CNOT2: variants seen among roughly 807,000 people sequenced by gnomAD.
CNOT2 encodes CC chemokine receptor 4-negative regulator of transcription 2.
CNOT2 carries 7 observed loss-of-function variants against 72.1 expected under a neutral mutation model. That is an observed-to-expected ratio of 0.10 (90% CI 0.06 to 0.18). The LOEUF is 0.18. Among genes scored for constraint, CNOT2 ranks in the 10% least tolerant of loss-of-function variants. The probability of loss-of-function intolerance (pLI) is 1.00; values close to 1 mark genes in which losing one functional copy is unlikely to be tolerated. For synonymous variants in CNOT2, 196 were observed against 225.6 expected (o/e 0.87, Z 1.17); for missense variants, 345 against 660.3 (o/e 0.52, Z 5.23).
chr12:70,255,414 G>A (rs1334519428), intron 1 of CNOT2, among the ~76,000 whole-genome samples: 4 of 152,070 alleles, frequency 2.6e-5, no homozygotes, highest in Admixed American at 6.6e-5. Flanking sequence ...AATAACTTAC[G>A]CTGTTCTTTG....
intron 2 of CNOT2, among the ~76,000 whole-genome samples, chr12:70,307,367 A>T (rs910389213): frequency 2.6e-5 from 4 of 151,900 alleles, no homozygotes; most frequent in Non-Finnish European, 5.9e-5. Context: ...TTCTATTTGA[A>T]TTTTTTTGTT....
At chr12:70,260,772 T>C (rs1958704110) in intron 1 of CNOT2, among the ~76,000 whole-genome samples, 1 of 152,118 alleles carries the variant, frequency 6.6e-6, no homozygotes, top group Non-Finnish European at 1.5e-5. Context: ...GTGGCTTCTT[T>C]AGGATTTTCT....
At chr12:70,255,306 CTG>C (rs1022508150) in intron 1 of CNOT2, among the ~76,000 whole-genome samples, 100 of 152,092 alleles carry the variant, frequency 6.6e-4, no homozygotes, top group African/African-American at 2.3e-3. Flanking sequence ...AACATCGTGT[CTG>C]TTTTTTTGAA....
chr12:70,306,285 A>G (rs1373249408), intron 2 of CNOT2, among the ~76,000 whole-genome samples: 1 of 152,062 alleles, frequency 6.6e-6, no homozygotes, highest in Non-Finnish European at 1.5e-5. Context: ...CCTCCTGAGT[A>G]GCTGGGATTA....
rs563879041 is a variant in CNOT2 at position 70,290,961 on chromosome 12, A to G, written c.48+12687A>G. Among the ~76,000 whole-genome samples, 5 of 152,350 alleles carry G rather than the reference A, an allele frequency of 3.3e-5. No individual in the cohort carries two copies. In the South Asian group the frequency reaches 1.0e-3, roughly 32 times the overall value. ...TATAAAATACTATACAGTGTGCAAT[A>G]TACACAAATTTCAGACCATTTCTCA... On this transcript the variant is annotated intron_variant, in intron 2 of 15. Transcript: ENST00000229195.
intron 2 of CNOT2, among the ~76,000 whole-genome samples, chr12:70,282,999 A>C (rs1870140154): frequency 6.6e-6 from 1 of 152,214 alleles, no homozygotes; most frequent in Non-Finnish European, 1.5e-5. Flanking sequence ...CTTAATATAA[A>C]CAGAAACAAA....
chr12:70,251,974 G>A (rs1958160982), intron 1 of CNOT2, among the ~76,000 whole-genome samples: 1 of 152,046 alleles, frequency 6.6e-6, no homozygotes, highest in Non-Finnish European at 1.5e-5. Flanking sequence ...CCCTACATAG[G>A]TGCTGATATT....
At chr12:70,290,509 C>T (rs757120013) in intron 2 of CNOT2, among the ~76,000 whole-genome samples, 1 of 152,050 alleles carries the variant, frequency 6.6e-6, no homozygotes, top group Admixed American at 6.5e-5. Context: ...TTGTTGAGCC[C>T]TCAATGATTC....
intron 1 of CNOT2, among the ~76,000 whole-genome samples, chr12:70,253,796 C>G (rs1284673779): frequency 6.6e-6 from 1 of 152,024 alleles, no homozygotes; most frequent in African/African-American, 2.4e-5. Context: ...CCCCTTAATT[C>G]AAGGGGAAAT....
intron 3 of CNOT2, among the ~76,000 whole-genome samples, chr12:70,316,505 T>C (rs1284701520): frequency 6.6e-6 from 1 of 152,158 alleles, no homozygotes; most frequent in Non-Finnish European, 1.5e-5. Flanking sequence ...TATAAGAAAT[T>C]AGATATTTGC....
intron 1 of CNOT2, among the ~76,000 whole-genome samples, chr12:70,274,736 T>A (rs1868473159): frequency 1.3e-5 from 2 of 152,076 alleles, no homozygotes; most frequent in Admixed American, 6.6e-5. Context: ...GGGTTTGTAA[T>A]TTTGCCTTTT....
intron 1 of CNOT2, among the ~76,000 whole-genome samples, chr12:70,246,257 T>C (rs558272495): frequency 1.6e-4 from 25 of 152,202 alleles, no homozygotes; most frequent in Non-Finnish European, 3.2e-4. Context: ...TTCATTCTGT[T>C]GGGATCACAT....
At chr12:70,258,098 T>G (rs1305181133) in intron 1 of CNOT2, among the ~76,000 whole-genome samples, 2 of 152,232 alleles carry the variant, frequency 1.3e-5, no homozygotes, top group African/African-American at 4.8e-5. Flanking sequence ...ATTTTCACGT[T>G]TTCTGTTTAT....
intron 2 of CNOT2, among the ~76,000 whole-genome samples, chr12:70,303,334 T>A (rs2135926436): frequency 6.6e-6 from 1 of 152,338 alleles, no homozygotes; most frequent in South Asian, 2.1e-4. Context: ...CAATTTGGCA[T>A]GTTTTTGCAG....
chr12:70,288,078 A>G (rs987034525), intron 2 of CNOT2, among the ~76,000 whole-genome samples: 1 of 148,606 alleles, frequency 6.7e-6, no homozygotes, highest in Non-Finnish European at 1.5e-5. Context: ...AATAACAGGA[A>G]CATCAAGATT....
intron 1 of CNOT2, among the ~76,000 whole-genome samples, chr12:70,276,934 C>G (rs770065124): frequency 2.0e-4 from 31 of 151,996 alleles, no homozygotes; most frequent in Non-Finnish European, 3.8e-4. Flanking sequence ...CTTTTTAAAA[C>G]TTAAATTTAG....
chr12:70,339,270 C>A (rs1397037064), intron 11 of CNOT2, among the ~76,000 whole-genome samples: 2 of 151,678 alleles, frequency 1.3e-5, no homozygotes. Flanking sequence ...GCATGCTTTC[C>A]GACTTCCACT....
At chr12:70,300,770 G>A (rs1348231144) in intron 2 of CNOT2, among the ~76,000 whole-genome samples, 1 of 152,190 alleles carries the variant, frequency 6.6e-6, no homozygotes, top group Non-Finnish European at 1.5e-5. Flanking sequence ...GTCGTTGGTA[G>A]CTTGATGGGG....
At chr12:70,315,911 T>C (rs1213188100) in intron 3 of CNOT2, among the ~76,000 whole-genome samples, 5 of 148,120 alleles carry the variant, frequency 3.4e-5, no homozygotes, top group African/African-American at 1.3e-4. Flanking sequence ...AAATTAAGGG[T>C]ATTATTTAAT....
Sources: allele counts gnomAD v4.1 joint callset (sites outside exome capture counted in the v4.1 genomes callset), GRCh38; gene constraint gnomAD v4.1.1; transcripts MANE v1.5; gene names NCBI Gene and HGNC (gene_info 2026-07-23, HGNC 2026-07-21).